NR1H3: variants seen among roughly 807,000 people sequenced by gnomAD.
NR1H3 encodes the protein nuclear receptor subfamily 1 group H member 3, also known as oxysterols receptor LXR-alpha.
A neutral mutation model predicts 48.1 loss-of-function variants in NR1H3; 19 were observed. That is an observed-to-expected ratio of 0.40 (90% CI 0.28 to 0.58). NR1H3 has a LOEUF of 0.58. Among genes scored for constraint, NR1H3 ranks in the 20% least tolerant of loss-of-function variants. The pLI is 0.50. For synonymous variants in NR1H3, 232 were observed against 227.3 expected (o/e 1.02, Z -0.19); for missense variants, 486 against 595.9 (o/e 0.82, Z 1.92).
chr11:47,263,465 A>G (rs1002029425), intron 7 of NR1H3, among the ~76,000 whole-genome samples: 2 of 151,692 alleles, frequency 1.3e-5, no homozygotes, highest in African/African-American at 4.8e-5. Context: ...GGGTTTCGCC[A>G]TGTTGCCCAG....
At chr11:47,256,330 C>T (rs145179837), upstream of NR1H3, among the ~76,000 whole-genome samples, 387 of 152,286 alleles carry the variant, frequency 2.5e-3, 4 homozygotes, top group African/African-American at 8.8e-3. Flanking sequence ...CGTGAGCCAC[C>T]GTGCCCGTTC....
chr11:47,263,077 C>T (rs1956078766), intron 7 of NR1H3, among the ~76,000 whole-genome samples: 1 of 152,052 alleles, frequency 6.6e-6, no homozygotes, highest in South Asian at 2.1e-4. Flanking sequence ...TTCATCTTTA[C>T]TTTAGCCAAA....
At chr11:47,266,645 T>C (rs1438567051) in intron 7 of NR1H3, among the ~76,000 whole-genome samples, 1 of 146,094 alleles carries the variant, frequency 6.8e-6, no homozygotes, top group Non-Finnish European at 1.5e-5. Flanking sequence ...TTTTTCTTTT[T>C]CTTTTTTTTT....
chr11:47,263,606 C>CTT (rs563452264), intron 7 of NR1H3, among the ~76,000 whole-genome samples: 38 of 132,394 alleles, frequency 2.9e-4, no homozygotes, highest in East Asian at 1.6e-3. Context: ...TTTTTCTTTT[C>CTT]TTTTTTTTTT....
At chr11:47,262,286 G>A (rs1243969099) in intron 7 of NR1H3, among the ~76,000 whole-genome samples, 3 of 151,910 alleles carry the variant, frequency 2.0e-5, no homozygotes, top group African/African-American at 7.2e-5. Flanking sequence ...GATCGAGGCA[G>A]GAGAATCACT....
At chr11:47,265,200 A>T (rs1156526502) in intron 7 of NR1H3, among the ~76,000 whole-genome samples, 1 of 132,610 alleles carries the variant, frequency 7.5e-6, no homozygotes, top group Non-Finnish European at 1.6e-5. Flanking sequence ...AGGCTGAGGC[A>T]GGAGAATTGC....
intron 7 of NR1H3, among the ~76,000 whole-genome samples, chr11:47,265,620 TC>T (rs1257009506): frequency 7.9e-5 from 12 of 152,288 alleles, no homozygotes; most frequent in African/African-American, 2.6e-4. Context: ...ATGCCTGTAA[TC>T]CCAGTACTTT....
rs149520806 is a variant in NR1H3 at position 47,249,823 on chromosome 11, G to A, written c.-93+824G>A. On this transcript the variant is annotated intron_variant, in intron 1 of 8. Transcript: ENST00000395397. ...ACTGATCAGGCTTGGCCTGGGCGCCGTGGCTCACCTGTAATACCAGCACTT... is the reference window on the plus strand; with the variant it reads ...ACTGATCAGGCTTGGCCTGGGCGCCATGGCTCACCTGTAATACCAGCACTT... 1.7e-3 allele frequency among the ~76,000 whole-genome samples: 252 copies of A among 152,228 alleles called. 1 individual carries two copies. Among genetic ancestry groups the A allele is most frequent in the African/African-American group, 5.7e-3 (237 of 41,516 alleles).
intron 9 of NR1H3, 66 bp from the exon 10 acceptor site, chr11:47,268,484 C>A: frequency 2.5e-6 from 4 of 1,606,132 alleles, no homozygotes; most frequent in Non-Finnish European, 3.4e-6. Flanking sequence ...TCCCACAACT[C>A]CCCTACTCTT....
At chr11:47,256,964 T>G (rs1205597904), upstream of NR1H3, among the ~76,000 whole-genome samples, 1 of 152,010 alleles carries the variant, frequency 6.6e-6, no homozygotes, top group African/African-American at 2.4e-5. Context: ...TCTCCTGACC[T>G]CGTGATCCGC....
chr11:47,248,856 G>T (rs1362264084), upstream of NR1H3: 2 of 1,551,728 alleles, frequency 1.3e-6, no homozygotes, highest in Non-Finnish European at 8.7e-7. Context: ...CAGCCGCCCG[G>T]ACGCACCCGT....
At position 47,258,017 on chromosome 11, in the gene NR1H3, A is replaced by G; in HGVS notation, c.-150A>G. 1 of 976,500 alleles carries G rather than the reference A, an allele frequency of 1.0e-6. No individual in the cohort carries two copies. Among genetic ancestry groups the G allele is most frequent in the Non-Finnish European group, 1.2e-6 (1 of 826,710 alleles). The allele number at this position is 976,500 out of a possible 1,614,324, so 60.5% of individuals were successfully genotyped here. A position where few individuals can be genotyped will look rare whatever the true frequency, so the allele number is the denominator to read the frequency against. On this transcript the variant is annotated 5_prime_UTR_variant, in exon 1 of 10. Coordinates refer to ENST00000441012, the MANE Select transcript of NR1H3 (RefSeq NM_005693.4). ...CCAGGTCCTGCTTGTGCTCAGCTCCAGCTCACTGGCTGGCCACCGAGACTT... is the reference window on the plus strand; with the variant it reads ...CCAGGTCCTGCTTGTGCTCAGCTCCGGCTCACTGGCTGGCCACCGAGACTT...
chr11:47,267,806 G>A, intron 7 of NR1H3, 107 bp from the exon 8 acceptor site: 1 of 790,644 alleles, frequency 1.3e-6, no homozygotes, highest in Non-Finnish European at 2.2e-6. Context: ...ACTGTGCCCG[G>A]CCTCAGTAAA....
upstream of NR1H3, among the ~76,000 whole-genome samples, chr11:47,255,615 C>CTCTCTTTCTT (rs1554981334): frequency 2.7e-4 from 25 of 93,198 alleles, no homozygotes; most frequent in African/African-American, 7.6e-4. Flanking sequence ...CTCTCTCTCT[C>CTCTCTTTCTT]TCTTTCTTTC....
At chr11:47,248,953 G>T in exon 1 of NR1H3, 1 of 1,529,592 alleles carries the variant, frequency 6.5e-7, no homozygotes, top group Non-Finnish European at 8.7e-7. Flanking sequence ...CGGTGGGATT[G>T]CGTGCAGGAG....
rs555106701 is a variant in NR1H3 at position 47,263,506 on chromosome 11, GCTCAAGTGATCCACCCACCTCGGC to G, written c.988+1492_988+1515del. Among the ~76,000 whole-genome samples the G allele has an allele frequency of 1.6e-4, 24 of 151,366 alleles. No homozygotes were observed. The East Asian group carries it at 4.7e-3, about 29-fold the overall frequency. On this transcript the variant is annotated intron_variant, in intron 7 of 9. Coordinates refer to ENST00000441012, the MANE Select transcript of NR1H3 (RefSeq NM_005693.4). The stretch of plus-strand genomic sequence containing the variant: ...TCTCAAAATGGTCTCGAACTCCTGA[GCTCAAGTGATCCACCCACCTCGGC>G]CTCCCAATGTGCTGGGATTACAGGC...
At position 47,264,457 on chromosome 11, in the gene NR1H3, C is replaced by T. The variant is rs545116837; in HGVS notation, c.988+2439C>T. ...GCCTTCTATAGTAACCGGTGTGCTG[C>T]CTGGATGTATTGACACCTAATGGGG... On this transcript the variant is annotated intron_variant, in intron 7 of 9. Coordinates refer to ENST00000441012, the MANE Select transcript of NR1H3 (RefSeq NM_005693.4). 2.0e-5 allele frequency among the ~76,000 whole-genome samples: 3 copies of T among 152,330 alleles called. No homozygotes were observed. The South Asian group carries it at 6.2e-4, about 32-fold the overall frequency.
At chr11:47,258,359 G>A in intron 1 of NR1H3, 5 of 268,310 alleles carry the variant, frequency 1.9e-5, no homozygotes, top group Non-Finnish European at 2.9e-5. Context: ...GTTTGTGCTG[G>A]GACCCTGGAA....
intron 7 of NR1H3, among the ~76,000 whole-genome samples, chr11:47,264,810 GCTA>G (rs1308055491): frequency 6.6e-6 from 1 of 152,168 alleles, no homozygotes; most frequent in African/African-American, 2.4e-5. Flanking sequence ...CTCCCTATCC[GCTA>G]CTATTTACTG....
Sources: gnomAD v4.1 joint callset for allele counts (sites outside exome capture counted in the v4.1 genomes callset) on GRCh38, gnomAD v4.1.1 for gene constraint, MANE v1.5 for transcripts, NCBI Gene and HGNC (gene_info 2026-07-23, HGNC 2026-07-21) for gene names.